Variants in LARS2 observed in about 807,000 individuals in gnomAD.
LARS2 encodes the protein leucyl-tRNA synthetase 2, mitochondrial, also known as leucine--tRNA ligase, mitochondrial.
Under a neutral mutation model 116.6 loss-of-function variants are expected in LARS2, and 81 were observed. That is an observed-to-expected ratio of 0.69 (90% CI 0.58 to 0.84). The LOEUF is 0.84. Among genes scored for constraint, LARS2 ranks in the 40% least tolerant of loss-of-function variants. The pLI, the probability that LARS2 is intolerant of heterozygous loss-of-function variation, is 0.00. For missense variants in LARS2, 968 were observed against 1,114.5 expected (o/e 0.87, Z 1.87); for synonymous variants, 396 against 407.2 (o/e 0.97, Z 0.33).
intron 20 of LARS2, among the ~76,000 whole-genome samples, chr3:45,530,259 A>T (rs1700595413): frequency 6.6e-6 from 1 of 152,234 alleles, no homozygotes; most frequent in South Asian, 2.1e-4. Flanking sequence ...GCTGTGGCTC[A>T]CGCCTGTAAT....
chr3:45,411,331 G>A (rs1698327346), intron 4 of LARS2, among the ~76,000 whole-genome samples: 1 of 152,220 alleles, frequency 6.6e-6, no homozygotes. Flanking sequence ...CCCTAGTAGA[G>A]AGCAGTTATG....
rs1700366613 is a variant in LARS2 at position 45,516,165 on chromosome 3, C to T, written c.1933C>T (p.His645Tyr). ...GTGGGAGAAGATGAGTAAGTCCAAA[C>T]ACAACGGGGTGGACCCAGAGGAAGT... ...VTWEKMSKSK[H>Y]NGVDPEEVVE... Residue 645 changes from histidine to tyrosine, a missense_variant, in exon 17 of 22, where the codon CAC (histidine) becomes TAC (tyrosine). By Grantham distance (83) the His-to-Tyr change is moderately conservative. Coordinates refer to ENST00000645846, the MANE Select transcript of LARS2 (RefSeq NM_015340.4). 3 of 1,614,068 alleles carry T rather than the reference C, an allele frequency of 1.9e-6. No homozygotes were observed. The highest frequency in any genetic ancestry group is 1.1e-5 in the South Asian group (1 of 91,088).
At chr3:45,519,276 G>A (rs555210367) in intron 18 of LARS2, among the ~76,000 whole-genome samples, 1 of 152,030 alleles carries the variant, frequency 6.6e-6, no homozygotes, top group Admixed American at 6.6e-5. Context: ...CAGATCACAA[G>A]ATCAAGAGAT....
At chr3:45,523,502 T>A (rs1700484965) in intron 19 of LARS2, among the ~76,000 whole-genome samples, 1 of 151,486 alleles carries the variant, frequency 6.6e-6, no homozygotes, top group South Asian at 2.1e-4. Context: ...TAAGTTAACA[T>A]CATGTATTTG....
intron 3 of LARS2, among the ~76,000 whole-genome samples, chr3:45,399,128 T>G (rs1048432376): frequency 6.6e-6 from 1 of 152,186 alleles, no homozygotes; most frequent in African/African-American, 2.4e-5. Context: ...AGGCTGCTTA[T>G]TTATCATCCC....
chr3:45,524,148 T>C (rs1575313001), intron 20 of LARS2, 40 bp downstream of exon 20: 1 of 1,336,276 alleles, frequency 7.5e-7, no homozygotes, highest in Non-Finnish European at 1.1e-6. Context: ...TACTACTAAC[T>C]AGAATTTGTC....
At chr3:45,412,819 A>C (rs1041994663) in intron 4 of LARS2, among the ~76,000 whole-genome samples, 1 of 152,346 alleles carries the variant, frequency 6.6e-6, no homozygotes, top group Admixed American at 6.5e-5. Context: ...AGCAGTTTTC[A>C]GTGGGTCACA....
At chr3:45,404,775 T>C (rs1462008013) in intron 4 of LARS2, among the ~76,000 whole-genome samples, 3 of 152,076 alleles carry the variant, frequency 2.0e-5, no homozygotes, top group African/African-American at 7.2e-5. Flanking sequence ...TTTGTAGAGA[T>C]AGGGTTTCAC....
chr3:45,441,049 G>A (rs9311369), intron 6 of LARS2, among the ~76,000 whole-genome samples: 20,544 of 132,192 alleles, frequency 0.16, 1,662 homozygotes, highest in Middle Eastern at 0.25. Context: ...TTTTTGAGAC[G>A]GAGTCTTGCT....
chr3:45,413,612 T>C (rs1698369856), intron 4 of LARS2, among the ~76,000 whole-genome samples: 1 of 152,262 alleles, frequency 6.6e-6, no homozygotes, highest in Non-Finnish European at 1.5e-5. Flanking sequence ...TAGCATTTCC[T>C]GTGCACTAGC....
intron 19 of LARS2, 85 bp from the exon 20 acceptor site, chr3:45,523,912 C>G: frequency 1.0e-6 from 1 of 990,446 alleles, no homozygotes; most frequent in Non-Finnish European, 1.6e-6. Context: ...GCTTGTGTCT[C>G]TGGACTTCAG....
intron 8 of LARS2, among the ~76,000 whole-genome samples, chr3:45,461,335 C>T (rs543740808): frequency 6.6e-6 from 1 of 151,774 alleles, no homozygotes; most frequent in Non-Finnish European, 1.5e-5. Context: ...AGGGAAGCTC[C>T]CCCCTCACAC....
chr3:45,449,320 G>A (rs933322125), intron 7 of LARS2, among the ~76,000 whole-genome samples: 6 of 151,842 alleles, frequency 4.0e-5, no homozygotes, highest in Admixed American at 6.6e-5. Context: ...GCGCCACCAC[G>A]CCCAGCTAAT....
At chr3:45,452,043 C>T (rs1699138748) in intron 7 of LARS2, among the ~76,000 whole-genome samples, 1 of 152,086 alleles carries the variant, frequency 6.6e-6, no homozygotes, top group Non-Finnish European at 1.5e-5. Flanking sequence ...ATTTTGTATC[C>T]TGCAACTTTA....
intron 21 of LARS2, 47 bp downstream of exon 21, chr3:45,542,003 T>G (rs1164916594): frequency 6.2e-7 from 1 of 1,608,232 alleles, no homozygotes; most frequent in Admixed American, 1.7e-5. Flanking sequence ...CCTGCCCTGC[T>G]GGTGGCCCCT....
At chr3:45,527,462 A>C (rs997236669) in intron 20 of LARS2, among the ~76,000 whole-genome samples, 1 of 152,156 alleles carries the variant, frequency 6.6e-6, no homozygotes, top group South Asian at 2.1e-4. Context: ...GTCTCTACTA[A>C]ATATACAAAA....
chr3:45,454,996 T>A (rs768031237), intron 7 of LARS2, among the ~76,000 whole-genome samples: 1 of 152,164 alleles, frequency 6.6e-6, no homozygotes, highest in African/African-American at 2.4e-5. Flanking sequence ...CTGAGGTGGA[T>A]TGGAGTTCTG....
At chr3:45,420,178 G>A (rs1282044512) in intron 6 of LARS2, among the ~76,000 whole-genome samples, 1 of 152,150 alleles carries the variant, frequency 6.6e-6, no homozygotes, top group Non-Finnish European at 1.5e-5. Context: ...TAATCTTTTG[G>A]TGTTAGACAC....
At chr3:45,514,589 T>G (rs952914463) in intron 16 of LARS2, among the ~76,000 whole-genome samples, 1 of 152,220 alleles carries the variant, frequency 6.6e-6, no homozygotes, top group Non-Finnish European at 1.5e-5. Flanking sequence ...CAGGCAAGGC[T>G]GCCCATGTAT....
Sources: allele counts gnomAD v4.1 joint callset (sites outside exome capture counted in the v4.1 genomes callset), GRCh38; gene constraint gnomAD v4.1.1; transcripts MANE v1.5; gene names NCBI Gene and HGNC (gene_info 2026-07-23, HGNC 2026-07-21).